The following ROPN1 variants were observed in gnomAD, a reference collection of about 807,000 sequenced individuals.
ROPN1 encodes the protein rhophilin associated tail protein 1.
In ROPN1, 14 loss-of-function variants were observed where a neutral mutation model predicts 20.5. The ratio of observed to expected loss-of-function variants is 0.68; its 90% CI spans 0.45 to 1.07. ROPN1 has a LOEUF of 1.07. Ranked by LOEUF, ROPN1 falls within the 50% of genes least tolerant of loss-of-function variation. ROPN1 has a pLI of 0.00. For missense variants in ROPN1, 169 were observed against 242.8 expected (o/e 0.70, Z 2.02); for synonymous variants, 76 against 95.7 (o/e 0.79, Z 1.20).
At chr3:123,976,187 C>T (rs1210669811) in intron 3 of ROPN1, among the ~76,000 whole-genome samples, 3 of 152,092 alleles carry the variant, frequency 2.0e-5, no homozygotes, top group African/African-American at 7.2e-5. Flanking sequence ...GCACAGATGC[C>T]CGATGAAGTG....
rs750341418 is a variant in ROPN1 at position 123,970,155 on chromosome 3, C to T, written c.459G>A (p.Ser153=). ...GGAAGGTGCTGAACGGGATCCGGGG[C>T]GACCCACCATTATGGTCACATGATA... ...EVLSCDHNGG[S]PRIPFSTFQF... Residue 153 remains serine, a synonymous_variant, in exon 5 of 6, where the codon TCG becomes TCA. Transcript: ENST00000405845. 2.6e-5 allele frequency: 42 copies of T among 1,613,928 alleles called. No individual in the cohort carries two copies. Among genetic ancestry groups the T allele is most frequent in the Admixed American group, 5.0e-5 (3 of 60,006 alleles).
At chr3:123,970,417 A>T (rs1408050991) in intron 4 of ROPN1, among the ~76,000 whole-genome samples, 200 bp from the exon 5 acceptor site, 1 of 152,218 alleles carries the variant, frequency 6.6e-6, no homozygotes, top group Non-Finnish European at 1.5e-5. Context: ...GGGTATCTTT[A>T]TTTCTTTTCT....
chr3:123,984,374 C>T (rs913521675), intron 1 of ROPN1, among the ~76,000 whole-genome samples: 1 of 152,198 alleles, frequency 6.6e-6, no homozygotes, highest in African/African-American at 2.4e-5. Context: ...GTCCTTTGGC[C>T]TCAAAGTCTG....
chr3:123,982,072 C>G (rs1223874326), intron 1 of ROPN1, among the ~76,000 whole-genome samples: 1 of 151,668 alleles, frequency 6.6e-6, no homozygotes, highest in Non-Finnish European at 1.5e-5. Flanking sequence ...ATAGGTACAC[C>G]TGAAAAAATG....
chr3:123,972,396 T>C (rs1175267366), intron 4 of ROPN1, among the ~76,000 whole-genome samples: 3 of 152,260 alleles, frequency 2.0e-5, no homozygotes, highest in Admixed American at 6.5e-5. Context: ...TCTTTAAGCA[T>C]CTTGCGAGCT....
At chr3:123,977,879 G>A (rs1386333291) in intron 2 of ROPN1, among the ~76,000 whole-genome samples, 1 of 152,202 alleles carries the variant, frequency 6.6e-6, no homozygotes, top group Non-Finnish European at 1.5e-5. Context: ...AAGATGAAAA[G>A]AGGCTGCCTG....
chr3:123,991,315 G>C (rs1009007155), intron 1 of ROPN1: 1 of 116,528 alleles, frequency 8.6e-6, no homozygotes, highest in African/African-American at 3.4e-5. Flanking sequence ...ATAGGTACTA[G>C]TAAAAATGAA....
chr3:123,990,712 C>T (rs1213516328), intron 1 of ROPN1, among the ~76,000 whole-genome samples: 2 of 149,292 alleles, frequency 1.3e-5, no homozygotes, highest in Non-Finnish European at 3.0e-5. Context: ...TTATACATTC[C>T]AGAGCTTATC....
intron 4 of ROPN1, among the ~76,000 whole-genome samples, chr3:123,972,216 A>G (rs541944512): frequency 6.6e-6 from 1 of 152,230 alleles, no homozygotes; most frequent in African/African-American, 2.4e-5. Context: ...CAAACCTTCA[A>G]ATTCTACTGC....
chr3:123,980,379 G>A lies in ROPN1; in HGVS notation c.103C>T (p.Gln35Ter), dbSNP rs773302506. Reference protein sequence around the residue: ...AIRVQPQDLIQWAADYFEALS... With the variant: ...AIRVQPQDLI ...AGGAGCACGTACTCGGCTGCCCACT[G>A]GATGAGGTCCTGCGGCTGCACCCTA... Residue 35 changes from glutamine (Q) to a stop codon, truncating the protein, a stop_gained, in exon 2 of 6, where the codon CAG becomes TAG. Coordinates refer to ENST00000405845, the MANE Select transcript of ROPN1 (RefSeq NM_001317774.2). LOFTEE classifies it high-confidence loss of function. 56 of 1,614,074 alleles carry A rather than the reference G, an allele frequency of 3.5e-5. No individual in the cohort carries two copies. The highest frequency in any genetic ancestry group is 1.6e-4 in the Middle Eastern group (1 of 6,084).
chr3:123,971,803 T>A (rs777820233), intron 4 of ROPN1, among the ~76,000 whole-genome samples: 1 of 152,124 alleles, frequency 6.6e-6, no homozygotes, highest in Non-Finnish European at 1.5e-5. Context: ...TCTGTTGCCC[T>A]CTCCCATGGG....
chr3:123,979,242 C>T (rs1577368441), intron 2 of ROPN1: 2 of 352,170 alleles, frequency 5.7e-6, no homozygotes, highest in Admixed American at 3.9e-5. Context: ...CCAGAGACTC[C>T]GAAAGGCCCC....
Position 123,970,409 on chromosome 3 carries a change from G to T in ROPN1, c.397-192C>A, listed in dbSNP as rs115823829. ...CATTCTAAAAAATATTAAGTATTGG[G>T]TATCTTTATTTCTTTTCTTTCTTTG... On this transcript the variant is annotated intron_variant, in intron 4 of 5. Transcript: ENST00000405845. Among the ~76,000 whole-genome samples the T allele has an allele frequency of 1.5e-3, 235 of 152,264 alleles. 1 individual carries two copies. The highest frequency in any genetic ancestry group is 5.5e-3 in the African/African-American group (230 of 41,556).
intron 1 of ROPN1, chr3:123,980,835 A>T (rs2038130523): frequency 5.1e-6 from 1 of 195,440 alleles, no homozygotes; most frequent in Non-Finnish European, 1.0e-5. Flanking sequence ...TAAAATAAAA[A>T]AATAAGATTA....
At chr3:123,972,286 CT>C in intron 4 of ROPN1, among the ~76,000 whole-genome samples, 1 of 152,290 alleles carries the variant, frequency 6.6e-6, no homozygotes, top group African/African-American at 2.4e-5. Flanking sequence ...ATAAATAACT[CT>C]TTGGACTGGA....
At chr3:123,980,277 A>G (rs2038110217) in intron 2 of ROPN1, 89 bp downstream of exon 2, 3 of 1,210,590 alleles carry the variant, frequency 2.5e-6, no homozygotes, top group Non-Finnish European at 3.7e-6. Flanking sequence ...CGGACTTCCT[A>G]GCTGCAGCCA....
chr3:123,988,401 C>T (rs2149004333), intron 1 of ROPN1, among the ~76,000 whole-genome samples: 1 of 152,280 alleles, frequency 6.6e-6, no homozygotes, highest in Admixed American at 6.5e-5. Flanking sequence ...GTCCTTCCTA[C>T]TTCTGATTTC....
chr3:123,987,698 G>A (rs1006889793), intron 1 of ROPN1, among the ~76,000 whole-genome samples: 2 of 152,216 alleles, frequency 1.3e-5, no homozygotes, highest in Non-Finnish European at 2.9e-5. Context: ...AGTCAACACA[G>A]CATTTGGATG....
At chr3:123,990,208 A>C (rs1228531795) in intron 1 of ROPN1, among the ~76,000 whole-genome samples, 2 of 151,918 alleles carry the variant, frequency 1.3e-5, no homozygotes, top group Non-Finnish European at 2.9e-5. Flanking sequence ...AGTAGTTGCA[A>C]TAGGGAGTGA....
Sources: allele counts gnomAD v4.1 joint callset (sites outside exome capture counted in the v4.1 genomes callset), GRCh38; gene constraint gnomAD v4.1.1; transcripts MANE v1.5; gene names NCBI Gene and HGNC (gene_info 2026-07-23, HGNC 2026-07-21).